The following RBFOX1 variants were observed in gnomAD, a reference collection of about 807,000 sequenced individuals.
RBFOX1 encodes the protein RNA binding protein fox-1 homolog 1.
Under a neutral mutation model 57.7 loss-of-function variants are expected in RBFOX1, and 8 were observed. The ratio of observed to expected loss-of-function variants is 0.14; its 90% confidence interval spans 0.08 to 0.25. RBFOX1 has a LOEUF of 0.25. RBFOX1 is among the 10% of genes least tolerant of loss of function. The probability of loss-of-function intolerance (pLI) is 1.00; values close to 1 mark genes in which losing one functional copy is unlikely to be tolerated. For synonymous variants in RBFOX1, 326 were observed against 222.4 expected (o/e 1.47, Z -4.15); for missense variants, 611 against 548.5 (o/e 1.11, Z -1.14).
rs191028845 is a variant in RBFOX1, at chr16:6,841,463, T to A, written c.-16+186813T>A. ...TGTTTGCTTGTCAATAAAACCCTCA[T>A]GCAACCTGAGTGGAAGGGGAGAGTC... On this transcript the variant is annotated intron_variant, in intron 3 of 15. Coordinates refer to ENST00000550418, the MANE Select transcript of RBFOX1 (RefSeq NM_018723.4). Among the ~76,000 whole-genome samples the A allele has an allele frequency of 3.0e-3, 452 of 152,266 alleles. 4 individuals carry two copies. Among genetic ancestry groups the A allele is most frequent in the African/African-American group, 0.011 (438 of 41,546 alleles).
chr16:6,368,811 G>A (rs984404317), intron 2 of RBFOX1, among the ~76,000 whole-genome samples: 1 of 152,168 alleles, frequency 6.6e-6, no homozygotes, highest in East Asian at 1.9e-4. Context: ...TAGTAACATG[G>A]CTTGTGAAGG....
At chr16:5,354,275 A>G (rs776566272) in intron 1 of RBFOX1, among the ~76,000 whole-genome samples, 2 of 152,104 alleles carry the variant, frequency 1.3e-5, no homozygotes, top group Non-Finnish European at 2.9e-5. Context: ...CTTGAAGAGA[A>G]CTGTATTGGT....
At chr16:7,120,926 A>G (rs35462565) in intron 4 of RBFOX1, among the ~76,000 whole-genome samples, 62,866 of 150,496 alleles carry the variant, frequency 0.42, 13,613 homozygotes, top group Admixed American at 0.49. Context: ...ACCACATAGT[A>G]TTAGTCCCAG....
At chr16:7,213,081 C>A (rs1019213649) in intron 4 of RBFOX1, among the ~76,000 whole-genome samples, 1 of 152,086 alleles carries the variant, frequency 6.6e-6, no homozygotes, top group African/African-American at 2.4e-5. Context: ...AATAGGTTGC[C>A]AAGACTTTAC....
At chr16:7,436,607 G>A (rs567560469) in intron 4 of RBFOX1, among the ~76,000 whole-genome samples, 3 of 152,302 alleles carry the variant, frequency 2.0e-5, no homozygotes, top group African/African-American at 4.8e-5. Context: ...AAGGATTGGC[G>A]CTGGGTTAAC....
At chr16:6,006,220 G>A (rs985760966) in intron 4 of RBFOX1, among the ~76,000 whole-genome samples, 2 of 152,168 alleles carry the variant, frequency 1.3e-5, no homozygotes, top group Non-Finnish European at 2.9e-5. Flanking sequence ...AGACCAGATA[G>A]TTCAGGTGGG....
chr16:7,602,249 T>C (rs1256540438), intron 9 of RBFOX1, among the ~76,000 whole-genome samples: 1 of 152,108 alleles, frequency 6.6e-6, no homozygotes, highest in African/African-American at 2.4e-5. Context: ...CAAGCTAAAT[T>C]TGGGGAGGGG....
At chr16:6,965,105 G>A (rs1293116128) in intron 3 of RBFOX1, among the ~76,000 whole-genome samples, 5 of 151,990 alleles carry the variant, frequency 3.3e-5, no homozygotes, top group African/African-American at 1.2e-4. Flanking sequence ...TCATGAGGTG[G>A]GTTTATCTAG....
intron 14 of RBFOX1, among the ~76,000 whole-genome samples, chr16:7,695,854 C>T (rs142291845): frequency 1.3e-5 from 2 of 152,122 alleles, no homozygotes; most frequent in African/African-American, 4.8e-5. Flanking sequence ...CTTAAAATCT[C>T]AGTGTGGGGT....
intron 1 of RBFOX1, among the ~76,000 whole-genome samples, chr16:6,132,539 A>G (rs1039091586): frequency 1.3e-5 from 2 of 152,174 alleles, no homozygotes; most frequent in African/African-American, 2.4e-5. Context: ...CCTGACCAGT[A>G]CGGTACCTAC....
intron 3 of RBFOX1, among the ~76,000 whole-genome samples, chr16:6,939,030 A>G (rs532753462): frequency 6.6e-6 from 1 of 152,184 alleles, no homozygotes; most frequent in Non-Finnish European, 1.5e-5. Context: ...CTGCCTTGAC[A>G]TGTGACGAAC....
intron 3 of RBFOX1, among the ~76,000 whole-genome samples, chr16:6,825,347 T>G (rs1322834228): frequency 6.6e-6 from 1 of 151,694 alleles, no homozygotes; most frequent in Non-Finnish European, 1.5e-5. Context: ...GTGTTGAGAA[T>G]CAGTCTTCTA....
intron 3 of RBFOX1, among the ~76,000 whole-genome samples, chr16:5,848,170 C>T (rs1017054720): frequency 5.9e-5 from 9 of 152,062 alleles, no homozygotes; most frequent in Non-Finnish European, 8.8e-5. Flanking sequence ...AAGCAGGTTG[C>T]AGTTTGTTTT....
At chr16:5,787,594 A>G (rs1429103229) in intron 3 of RBFOX1, among the ~76,000 whole-genome samples, 1 of 152,210 alleles carries the variant, frequency 6.6e-6, no homozygotes, top group Non-Finnish European at 1.5e-5. Context: ...ATAAGTAAGT[A>G]TATGTGAATG....
chr16:6,834,471 G>A (rs2092941528), intron 3 of RBFOX1, among the ~76,000 whole-genome samples: 1 of 151,730 alleles, frequency 6.6e-6, no homozygotes, highest in African/African-American at 2.4e-5. Flanking sequence ...AGCCTTGCCT[G>A]GTACAGAGAA....
chr16:6,667,565 C>G (rs2098740536), intron 3 of RBFOX1, among the ~76,000 whole-genome samples: 1 of 152,076 alleles, frequency 6.6e-6, no homozygotes, highest in Non-Finnish European at 1.5e-5. Context: ...ATCATCTTGG[C>G]TAGGCACAGG....
In RBFOX1 at chr16:5,502,618, A is replaced by G. The variant is rs980066124; in HGVS notation, c.258+35364A>G. Among the ~76,000 whole-genome samples, 4 of 152,294 alleles carry G rather than the reference A, an allele frequency of 2.6e-5. No homozygotes were observed. The South Asian group carries it at 8.3e-4, about 32-fold the overall frequency. ...AGGGGAGAAAATGCAATCAGGTCCAAGGCGCCTCCAGCCTCTGTTATCTCT... is the reference window on the plus strand; with the variant it reads ...AGGGGAGAAAATGCAATCAGGTCCAGGGCGCCTCCAGCCTCTGTTATCTCT... On this transcript the variant is annotated intron_variant, in intron 2 of 2. Coordinates refer to the RBFOX1 transcript ENST00000585867.
chr16:5,856,220 T>TATATATACACAC (rs2057043947), intron 3 of RBFOX1, among the ~76,000 whole-genome samples: 1 of 31,306 alleles, frequency 3.2e-5, no homozygotes, highest in Non-Finnish European at 7.4e-5. Context: ...TATATATGTA[T>TATATATACACAC]ATATATATGT....
intron 4 of RBFOX1, among the ~76,000 whole-genome samples, chr16:5,867,700 TTTTCC>T (rs1174891716): frequency 6.6e-6 from 1 of 152,122 alleles, no homozygotes; most frequent in East Asian, 1.9e-4. Flanking sequence ...TTGTATATTT[TTTTCC>T]TTTCCTTTAT....
Sources: gnomAD v4.1 joint callset for allele counts (sites outside exome capture counted in the v4.1 genomes callset) on GRCh38, gnomAD v4.1.1 for gene constraint, MANE v1.5 for transcripts, NCBI Gene and HGNC (gene_info 2026-07-23, HGNC 2026-07-21) for gene names.